The following RFX1 variants were observed in gnomAD, a reference collection of about 807,000 sequenced individuals.
RFX1 encodes the protein regulatory factor X1.
In RFX1, 42 loss-of-function variants were observed where a neutral mutation model predicts 119.6. That is an observed-to-expected ratio of 0.35 (90% CI 0.27 to 0.45). The LOEUF (loss-of-function observed/expected upper bound fraction) is 0.45, where lower values mean the gene tolerates loss of function less well. Ranked by LOEUF, RFX1 falls within the 20% of genes least tolerant of loss-of-function variation. The pLI is 1.00. For synonymous variants in RFX1, 628 were observed against 618.5 expected (o/e 1.02, Z -0.23); for missense variants, 1,118 against 1,368.1 (o/e 0.82, Z 2.88).
intron 1 of RFX1, among the ~76,000 whole-genome samples, chr19:14,001,296 TTTTC>T (rs1428277542): frequency 5.9e-5 from 9 of 152,136 alleles, no homozygotes; most frequent in Admixed American, 2.6e-4. Flanking sequence ...GTTGAGTTTA[TTTTC>T]TTTCTTTTTC....
chr19:13,966,773 TGA>T lies in RFX1; in HGVS notation c.1733-24_1733-23del. On this transcript the variant is annotated intron_variant, in intron 12 of 20. Transcript: ENST00000254325. This position sits in a 1 kb window ranked among gnomAD's most constrained non-coding sequence, Gnocchi z 6.3. Reference sequence around the variant, plus strand: ...GCATCTAGGGGGCCGGGGGGAACCGTGAGGCCCTTCATCCCCCTTGCCTGCCC... The same window carrying T: ...GCATCTAGGGGGCCGGGGGGAACCGTGGCCCTTCATCCCCCTTGCCTGCCC... 2 of 1,530,570 alleles carry T rather than the reference TGA, an allele frequency of 1.3e-6. No homozygotes were observed. Among genetic ancestry groups the T allele is most frequent in the Non-Finnish European group, 1.8e-6 (2 of 1,116,278 alleles). The allele number at this position is 1,530,570 out of a possible 1,614,324, so 94.8% of individuals were successfully genotyped here. A position where few individuals can be genotyped will look rare whatever the true frequency, so the allele number is the denominator to read the frequency against.
intron 18 of RFX1, 27 bp from the exon 19 acceptor site, chr19:13,963,302 G>A (rs1408929920): frequency 1.3e-6 from 2 of 1,590,270 alleles, no homozygotes; most frequent in African/African-American, 2.7e-5. Flanking sequence ...AGAGGAGACC[G>A]TCAGGCCCCG....
In RFX1 at chr19:13,982,063, A is replaced by G. The variant is rs1420713092; in HGVS notation, c.621+58T>C. 3 of 840,492 alleles carry G rather than the reference A, an allele frequency of 3.6e-6. No individual in the cohort carries two copies. The African/African-American group carries it at 5.3e-5, about 15-fold the overall frequency. 52.1% of individuals were successfully genotyped at this position (840,492 alleles called of 1,614,324 possible). A position where few individuals can be genotyped will look rare whatever the true frequency, so the allele number is the denominator to read the frequency against. On this transcript the variant is annotated intron_variant, in intron 5 of 20. Transcript: ENST00000254325. ...GGAGCCCCAAATATACTATGGGGAT[A>G]CATTGCTGACCTCGGGAGACAGCAG...
At chr19:13,964,641 C>T (rs945905548) in intron 16 of RFX1, among the ~76,000 whole-genome samples, 3 of 152,060 alleles carry the variant, frequency 2.0e-5, no homozygotes, top group African/African-American at 4.8e-5. Context: ...ACCACCACGC[C>T]GGGCTAATTT....
In RFX1 at chr19:13,968,508, C is replaced by A; in HGVS notation, c.1732+57G>T. ...CCTGCCGCCATCCAGCTTTGGGAAC[C>A]GTCTGCACGGGGCAGGGAGGCGGTG... is the stretch of plus-strand genomic sequence containing the variant. On this transcript the variant is annotated intron_variant, in intron 12 of 20. Coordinates refer to ENST00000254325, the MANE Select transcript of RFX1 (RefSeq NM_002918.5). The surrounding 1 kb of genome is among the most constrained non-coding windows in gnomAD (Gnocchi z 5.5). The A allele has an allele frequency of 1.4e-6, 2 of 1,413,394 alleles. No homozygotes were observed. The highest frequency in any genetic ancestry group is 1.4e-5 in the African/African-American group (1 of 71,202). The allele number at this position is 1,413,394 out of a possible 1,614,324, so 87.6% of individuals were successfully genotyped here. A position where few individuals can be genotyped will look rare whatever the true frequency, so the allele number is the denominator to read the frequency against.
intron 3 of RFX1, 81 bp from the exon 4 acceptor site, chr19:13,983,351 T>C (rs1225316429): frequency 3.8e-6 from 5 of 1,310,478 alleles, no homozygotes; most frequent in Non-Finnish European, 1.0e-6. Flanking sequence ...GCGGCTGCTG[T>C]GCACATCTTG....
At chr19:13,982,937 A>G (rs1974473697) in intron 4 of RFX1, 1 of 523,758 alleles carries the variant, frequency 1.9e-6, no homozygotes, top group African/African-American at 2.0e-5. Flanking sequence ...TTGGACCCGC[A>G]AACCACCTTC....
At position 13,992,896 on chromosome 19, in the gene RFX1, C is replaced by T. The variant is rs531857318; in HGVS notation, c.319+629G>A. Among the ~76,000 whole-genome samples, 190 of 152,280 alleles carry T rather than the reference C, an allele frequency of 1.2e-3. 2 individuals carry two copies. Among genetic ancestry groups the T allele is most frequent in the African/African-American group, 4.1e-3 (172 of 41,556 alleles). ...CCTGTATTCCCAGCACTTTGGGAGG[C>T]TATGGCAGGAGGATCGCTTGAGTCC... is the stretch of plus-strand genomic sequence containing the variant. On this transcript the variant is annotated intron_variant, in intron 2 of 20. Coordinates refer to ENST00000254325, the MANE Select transcript of RFX1 (RefSeq NM_002918.5).
rs1974274584 is a variant in RFX1, at chr19:13,977,123, C to T, written c.929+869G>A. On this transcript the variant is annotated intron_variant, in intron 8 of 20. Transcript: ENST00000254325. ...CAGCCTGACCAACATGGTGATACCCCATCTCTACTAACAACACAAAAATTA... is the reference window on the plus strand; with the variant it reads ...CAGCCTGACCAACATGGTGATACCCTATCTCTACTAACAACACAAAAATTA... Among the ~76,000 whole-genome samples, 7 of 151,664 alleles carry T rather than the reference C, an allele frequency of 4.6e-5. No homozygotes were observed. The South Asian group carries it at 1.5e-3, about 32-fold the overall frequency.
At position 13,963,664 on chromosome 19, in the gene RFX1, T is replaced by C; in HGVS notation, c.2444A>G (p.Gln815Arg). ...EQDFKVTLQQ[Q>R]NSLEQWAAWL... The stretch of plus-strand genomic sequence containing the variant: ...GGCCGCCCACTGCTCCAGCGAGTTC[T>C]GCTGCTGCAGCGTCACCTTGAAGTC... Residue 815 changes from glutamine to arginine, a missense_variant, in exon 18 of 21, where the codon CAG becomes CGG. Around this residue, in one of 5 missense-constraint regions of RFX1, gnomAD observed 68 missense variants for 67.2 expected, o/e 1.01. Transcript: ENST00000254325. 2 of 1,603,840 alleles carry C rather than the reference T, an allele frequency of 1.2e-6. No individual in the cohort carries two copies. The highest frequency in any genetic ancestry group is 1.3e-5 in the African/African-American group (1 of 74,914).
chr19:13,971,735 C>T (rs1004889095), intron 9 of RFX1, among the ~76,000 whole-genome samples: 2 of 152,058 alleles, frequency 1.3e-5, no homozygotes, highest in Non-Finnish European at 2.9e-5. Context: ...ATCCGCCAGG[C>T]GTGGTGGCTC....
intron 7 of RFX1, 135 bp from the exon 8 acceptor site, chr19:13,978,221 A>T: frequency 1.6e-6 from 1 of 607,324 alleles, no homozygotes; most frequent in East Asian, 2.8e-5. Flanking sequence ...TGGACTCTCA[A>T]CAAAACACCC....
At chr19:13,999,789 T>C (rs1377694197) in intron 1 of RFX1, among the ~76,000 whole-genome samples, 11 of 152,140 alleles carry the variant, frequency 7.2e-5, no homozygotes, top group Middle Eastern at 3.4e-3. Context: ...GATTCTCCTG[T>C]CTCAGCCTCC....
chr19:13,976,197 C>G (rs923564187), intron 8 of RFX1, among the ~76,000 whole-genome samples: 1 of 152,228 alleles, frequency 6.6e-6, no homozygotes, highest in Admixed American at 6.5e-5. Context: ...GATTTAGATG[C>G]CTGGACCAGG....
chr19:13,993,763 G>GC lies in RFX1; in HGVS notation c.80_81insG (p.Gln28ProfsTer80), dbSNP rs753003001. On this transcript the variant is annotated frameshift_variant, in exon 2 of 21. Coordinates refer to ENST00000254325, the MANE Select transcript of RFX1 (RefSeq NM_002918.5). LOFTEE classifies it high-confidence loss of function. ...CTGGGGGTGGTGGCGGTGGCGGCTG[G>GC]GGCTGGGCTTGTGGCGGGGCCTGTG... The GC allele has an allele frequency of 1.9e-6, 3 of 1,603,378 alleles. No individual in the cohort carries two copies. The African/African-American group carries it at 4.0e-5, about 22-fold the overall frequency.
At chr19:13,997,521 G>C (rs930222227) in intron 1 of RFX1, among the ~76,000 whole-genome samples, 3 of 152,228 alleles carry the variant, frequency 2.0e-5, no homozygotes, top group African/African-American at 7.2e-5. Context: ...CACTGCCCAG[G>C]GCCCTTTAAC....
At chr19:13,983,109 A>T in intron 4 of RFX1, 78 bp downstream of exon 4, 1 of 1,134,986 alleles carries the variant, frequency 8.8e-7, no homozygotes, top group Non-Finnish European at 1.3e-6. Flanking sequence ...GTGAGGACAG[A>T]TCCAGGCTTG....
chr19:13,983,491 G>C lies in RFX1; in HGVS notation c.424C>G (p.Gln142Glu). Residue 142 changes from glutamine (Q) to glutamate (E), a missense_variant, in exon 3 of 21, where the codon CAG becomes GAG. Physicochemically the swap from Gln to Glu is conservative, Grantham distance 29. This residue lies in a region of RFX1 where 542 missense variants were observed against 602.7 expected (regional missense o/e 0.90). Coordinates refer to ENST00000254325, the MANE Select transcript of RFX1 (RefSeq NM_002918.5). ...CTGGGAGGGCCACATCCTACCTGCT[G>C]GGTGCCCTGCACCTGCTGAACCACC... ...TQVVQQVQGT[Q>E]QRLLVQTSVQ... The C allele has an allele frequency of 6.2e-7, 1 of 1,605,572 alleles. No individual in the cohort carries two copies. The highest frequency in any genetic ancestry group is 2.2e-5 in the East Asian group (1 of 44,652).
In RFX1 at chr19:13,969,188, G is replaced by A. The variant is rs1599479225; in HGVS notation, c.1497-294C>T. On this transcript the variant is annotated intron_variant, in intron 10 of 20. Coordinates refer to ENST00000254325, the MANE Select transcript of RFX1 (RefSeq NM_002918.5). This position sits in a 1 kb window ranked among gnomAD's most constrained non-coding sequence, Gnocchi z 4.5. ...GACGTGAGCGGAGGTGAGCCATGGG[G>A]GTTGCAAAGGAGAGGAAGAGAGGGG... 6.6e-6 allele frequency among the ~76,000 whole-genome samples: 1 copy of A among 152,156 alleles called. No homozygotes were observed. The highest frequency in any genetic ancestry group is 1.5e-5 in the Non-Finnish European group (1 of 68,030).
Sources: allele counts gnomAD v4.1 joint callset (sites outside exome capture counted in the v4.1 genomes callset), GRCh38; gene constraint gnomAD v4.1.1; regional missense constraint gnomAD v4.1.1; non-coding constraint Gnocchi (gnomAD v3.1); transcripts MANE v1.5; gene names NCBI Gene and HGNC (gene_info 2026-07-23, HGNC 2026-07-21).